The following ROBO2 variants were observed in gnomAD, a reference collection of about 807,000 sequenced individuals.
ROBO2 encodes the protein roundabout guidance receptor 2, also known as roundabout homolog 2.
Under a neutral mutation model 160.8 loss-of-function variants are expected in ROBO2, and 53 were observed. The ratio of observed to expected loss-of-function variants is 0.33; its 90% CI spans 0.26 to 0.41. The LOEUF is 0.41. ROBO2 is among the 10% of genes least tolerant of loss of function. The pLI is 1.00. For missense variants in ROBO2, 1,577 were observed against 1,722.4 expected (o/e 0.92, Z 1.49); for synonymous variants, 664 against 611.7 (o/e 1.09, Z -1.26).
At chr3:77,530,918 C>T (rs1262498955) in intron 6 of ROBO2, among the ~76,000 whole-genome samples, 2 of 151,868 alleles carry the variant, frequency 1.3e-5, no homozygotes, top group Non-Finnish European at 2.9e-5. Context: ...TTCCTATACC[C>T]ATCTGTCTTA....
intron 2 of ROBO2, among the ~76,000 whole-genome samples, chr3:75,984,043 C>T (rs940711876): frequency 2.6e-5 from 4 of 151,316 alleles, no homozygotes; most frequent in Non-Finnish European, 5.9e-5. Context: ...ATATTTCCAT[C>T]TGGAAGTGAC....
chr3:76,341,342 T>A (rs1373022075), intron 2 of ROBO2, among the ~76,000 whole-genome samples: 1 of 147,350 alleles, frequency 6.8e-6, no homozygotes, highest in Non-Finnish European at 1.5e-5. Flanking sequence ...TGCTGTCCCC[T>A]ACTACGGGTC....
At chr3:76,979,685 T>TG (rs973764073) in intron 2 of ROBO2, among the ~76,000 whole-genome samples, 30 of 151,630 alleles carry the variant, frequency 2.0e-4, no homozygotes, top group African/African-American at 7.3e-4. Context: ...GTGGGATTGC[T>TG]GGAATGAATG....
chr3:76,248,988 C>T (rs1182835877), intron 2 of ROBO2, among the ~76,000 whole-genome samples: 1 of 152,078 alleles, frequency 6.6e-6, no homozygotes, highest in African/African-American at 2.4e-5. Flanking sequence ...TTTTCTAAGA[C>T]ACACATGTAT....
intron 2 of ROBO2, among the ~76,000 whole-genome samples, chr3:76,608,576 T>C (rs2087836904): frequency 6.6e-6 from 1 of 152,194 alleles, no homozygotes; most frequent in African/African-American, 2.4e-5. Flanking sequence ...CCTTTAACTT[T>C]GTATGATCCC....
intron 2 of ROBO2, among the ~76,000 whole-genome samples, chr3:77,295,081 G>C (rs2061892299): frequency 6.6e-6 from 1 of 150,674 alleles, no homozygotes; most frequent in Admixed American, 6.6e-5. Context: ...GAGCACTAAA[G>C]ACATAAAGTA....
At chr3:77,167,707 T>C (rs893915168) in intron 2 of ROBO2, among the ~76,000 whole-genome samples, 1 of 152,228 alleles carries the variant, frequency 6.6e-6, no homozygotes, top group African/African-American at 2.4e-5. Flanking sequence ...TATCTTGTTG[T>C]GTACATTAGT....
intron 2 of ROBO2, among the ~76,000 whole-genome samples, chr3:75,983,502 T>A (rs1416816119): frequency 1.3e-5 from 2 of 151,480 alleles, no homozygotes; most frequent in Non-Finnish European, 3.0e-5. Flanking sequence ...AGACTAACTG[T>A]ACAGTCAGAA....
intron 2 of ROBO2, among the ~76,000 whole-genome samples, chr3:76,608,975 A>G (rs1349025467): frequency 6.6e-6 from 1 of 152,102 alleles, no homozygotes; most frequent in Non-Finnish European, 1.5e-5. Context: ...TATGACTTGC[A>G]TTCTTATAGC....
chr3:77,306,632 T>C (rs2153417769), intron 2 of ROBO2, among the ~76,000 whole-genome samples: 1 of 152,274 alleles, frequency 6.6e-6, no homozygotes, highest in East Asian at 1.9e-4. Flanking sequence ...TGAATTAAAA[T>C]CATGGTCTAA....
intron 2 of ROBO2, among the ~76,000 whole-genome samples, chr3:76,476,510 C>A (rs1326400582): frequency 6.6e-6 from 1 of 152,264 alleles, no homozygotes; most frequent in African/African-American, 2.4e-5. Context: ...ACATCTCCAC[C>A]TACTTGCTGG....
intron 2 of ROBO2, among the ~76,000 whole-genome samples, chr3:77,225,584 T>C (rs537942746): frequency 6.6e-6 from 1 of 152,068 alleles, no homozygotes; most frequent in African/African-American, 2.4e-5. Flanking sequence ...CCATAATAAA[T>C]TAAATAAGCA....
chr3:77,055,174 A>G (rs2065616524), intron 1 of ROBO2, among the ~76,000 whole-genome samples: 1 of 151,970 alleles, frequency 6.6e-6, no homozygotes, highest in African/African-American at 2.4e-5. Flanking sequence ...ATTTTCTTTT[A>G]TTCAGCTTCC....
intron 2 of ROBO2, among the ~76,000 whole-genome samples, chr3:76,914,774 G>C (rs1250196777): frequency 6.6e-6 from 1 of 152,092 alleles, no homozygotes; most frequent in African/African-American, 2.4e-5. Flanking sequence ...GAACTTCTTC[G>C]ATTTGGTTAT....
At chr3:76,923,704 T>C (rs1274863950) in intron 2 of ROBO2, among the ~76,000 whole-genome samples, 1 of 152,220 alleles carries the variant, frequency 6.6e-6, no homozygotes, top group African/African-American at 2.4e-5. Flanking sequence ...GAAAGATTAA[T>C]TGCAGAAACA....
chr3:76,465,968 C>T (rs994682576), intron 2 of ROBO2, among the ~76,000 whole-genome samples: 4 of 150,498 alleles, frequency 2.7e-5, no homozygotes, highest in Non-Finnish European at 4.4e-5. Context: ...GTGCTCCTCA[C>T]TCCAGTTAAA....
chr3:76,439,191 G>T (rs995845835), intron 2 of ROBO2, among the ~76,000 whole-genome samples: 1 of 152,130 alleles, frequency 6.6e-6, no homozygotes, highest in African/African-American at 2.4e-5. Context: ...AGTACTATGC[G>T]AGGGTCTAGG....
chr3:76,403,549 C>G (rs1349352335), intron 2 of ROBO2, among the ~76,000 whole-genome samples: 4 of 151,410 alleles, frequency 2.6e-5, no homozygotes, highest in African/African-American at 9.7e-5. Context: ...AATGACATCC[C>G]CAGAGGGTTC....
intron 2 of ROBO2, among the ~76,000 whole-genome samples, chr3:76,401,922 A>C (rs1260403418): frequency 6.6e-6 from 1 of 151,544 alleles, no homozygotes; most frequent in Non-Finnish European, 1.5e-5. Flanking sequence ...AAATTTTTAG[A>C]AATGTTTATA....
Sources: allele counts gnomAD v4.1 joint callset (sites outside exome capture counted in the v4.1 genomes callset), GRCh38; gene constraint gnomAD v4.1.1; transcripts MANE v1.5; gene names NCBI Gene and HGNC (gene_info 2026-07-23, HGNC 2026-07-21).